Variants in LIPA observed in about 807,000 individuals in gnomAD.
The protein encoded by LIPA is lysosomal acid lipase/cholesteryl ester hydrolase.
LIPA carries 26 observed loss-of-function variants against 40.6 expected under a neutral mutation model. The ratio of observed to expected loss-of-function variants is 0.64; its 90% confidence interval spans 0.47 to 0.89. The LOEUF (loss-of-function observed/expected upper bound fraction) is 0.89. Ranked by LOEUF, LIPA falls within the 40% of genes least tolerant of loss-of-function variation. The probability of loss-of-function intolerance (pLI) is 0.00; values close to 1 mark genes in which losing one functional copy is unlikely to be tolerated. For missense variants in LIPA, 455 were observed against 479.6 expected (o/e 0.95, Z 0.48); for synonymous variants, 188 against 168.4 (o/e 1.12, Z -0.90).
intron 1 of LIPA, among the ~76,000 whole-genome samples, chr10:89,331,586 G>A (rs910742486): frequency 5.9e-5 from 9 of 152,132 alleles, no homozygotes; most frequent in Non-Finnish European, 1.0e-4. Context: ...ATGGCTGGCC[G>A]CAGTGGCTCA....
chr10:89,350,059 C>T (rs551167415), intron 2 of LIPA, among the ~76,000 whole-genome samples: 66 of 152,244 alleles, frequency 4.3e-4, no homozygotes, highest in Non-Finnish European at 8.2e-4. Context: ...TGTCTTTGCA[C>T]AATTTGACAC....
At chr10:89,236,536 C>T (rs1842906798) in intron 3 of LIPA, among the ~76,000 whole-genome samples, 1 of 151,988 alleles carries the variant, frequency 6.6e-6, no homozygotes, top group Non-Finnish European at 1.5e-5. Context: ...GGGAGTGCTC[C>T]CAAAAAGCAG....
chr10:89,314,172 G>A (rs187629797), intron 1 of LIPA, among the ~76,000 whole-genome samples: 7 of 152,090 alleles, frequency 4.6e-5, no homozygotes, highest in East Asian at 1.9e-4. Context: ...TTTCACATTC[G>A]GTAGATATGT....
intron 2 of LIPA, among the ~76,000 whole-genome samples, chr10:89,376,044 T>C (rs1224437096): frequency 6.6e-6 from 1 of 151,722 alleles, no homozygotes; most frequent in Non-Finnish European, 1.5e-5. Flanking sequence ...AAAAAATAGC[T>C]GGGTATGGTG....
At chr10:89,286,421 C>T (rs1843341539) in intron 1 of LIPA, among the ~76,000 whole-genome samples, 1 of 152,180 alleles carries the variant, frequency 6.6e-6, no homozygotes, top group Admixed American at 6.5e-5. Context: ...ACCTCCCCTC[C>T]TCACACCCAG....
chr10:89,319,291 T>C (rs1478549576), intron 1 of LIPA, among the ~76,000 whole-genome samples: 1 of 151,934 alleles, frequency 6.6e-6, no homozygotes, highest in Non-Finnish European at 1.5e-5. Context: ...TTTGAAAGGA[T>C]CAACATTATT....
chr10:89,401,647 G>C (rs900075441), intron 2 of LIPA, among the ~76,000 whole-genome samples: 1 of 152,110 alleles, frequency 6.6e-6, no homozygotes, highest in Non-Finnish European at 1.5e-5. Context: ...TTGTACCAAT[G>C]TCAATTTTCT....
At chr10:89,283,599 C>G (rs1352438938) in intron 1 of LIPA, 1 of 152,208 alleles carries the variant, frequency 6.6e-6, no homozygotes. Context: ...TCCTTACACA[C>G]TATTCCCCCT....
chr10:89,227,063 T>A, intron 4 of LIPA, 59 bp from the exon 5 acceptor site: 1 of 1,028,870 alleles, frequency 9.7e-7, no homozygotes, highest in Non-Finnish European at 1.5e-6. Context: ...AGCACACACA[T>A]ACTGAGTATG....
intron 7 of LIPA, among the ~76,000 whole-genome samples, chr10:89,223,148 A>G (rs190549825): frequency 2.1e-4 from 32 of 152,286 alleles, no homozygotes; most frequent in African/African-American, 7.5e-4. Context: ...TCCAAATTTA[A>G]ATACTTATAG....
intron 2 of LIPA, chr10:89,362,910 C>G (rs1844031968): frequency 1.1e-5 from 3 of 273,290 alleles, no homozygotes; most frequent in Non-Finnish European, 2.1e-5. Context: ...GACATTTTCT[C>G]TGCACCCCCT....
intron 2 of LIPA, among the ~76,000 whole-genome samples, chr10:89,400,321 T>A (rs941348642): frequency 1.3e-5 from 2 of 152,224 alleles, no homozygotes; most frequent in Admixed American, 6.5e-5. Flanking sequence ...AAAATGTCAT[T>A]GGGATTTTTA....
At chr10:89,238,413 C>T (rs544710595) in intron 3 of LIPA, among the ~76,000 whole-genome samples, 30 of 152,278 alleles carry the variant, frequency 2.0e-4, no homozygotes, top group African/African-American at 5.1e-4. Flanking sequence ...ACAACACTGA[C>T]GCTTCTATGA....
chr10:89,304,686 C>T (rs1421985728), intron 1 of LIPA, among the ~76,000 whole-genome samples: 1 of 152,154 alleles, frequency 6.6e-6, no homozygotes, highest in Non-Finnish European at 1.5e-5. Context: ...GCATAGAATA[C>T]TATTTATCTC....
At chr10:89,342,899 T>C (rs1340662115), upstream of LIPA, among the ~76,000 whole-genome samples, 2 of 152,228 alleles carry the variant, frequency 1.3e-5, no homozygotes, top group Non-Finnish European at 2.9e-5. Context: ...TGATGTTCTT[T>C]TGTTTTCCTT....
intron 2 of LIPA, among the ~76,000 whole-genome samples, chr10:89,379,838 T>A (rs1161471792): frequency 2.6e-5 from 4 of 151,978 alleles, no homozygotes; most frequent in Admixed American, 2.6e-4. Context: ...ATCAAGACCA[T>A]CCTGACTAAC....
intron 1 of LIPA, chr10:89,292,289 C>T (rs1843379070): frequency 6.6e-6 from 1 of 152,176 alleles, no homozygotes; most frequent in South Asian, 2.1e-4. Flanking sequence ...CTTTTGGCAG[C>T]ACAAAGATCC....
chr10:89,264,604 G>C (rs564486690), intron 1 of LIPA, among the ~76,000 whole-genome samples: 8 of 152,338 alleles, frequency 5.3e-5, no homozygotes, highest in African/African-American at 1.9e-4. Flanking sequence ...TCAGCAGAGA[G>C]GACACCCAGA....
intron 1 of LIPA, among the ~76,000 whole-genome samples, chr10:89,291,343 T>C (rs554425594): frequency 1.4e-4 from 22 of 152,286 alleles, no homozygotes; most frequent in Non-Finnish European, 2.2e-4. Context: ...GTAGGAGACA[T>C]AGCAACCCCC....
Sources: allele counts gnomAD v4.1 joint callset (sites outside exome capture counted in the v4.1 genomes callset), GRCh38; gene constraint gnomAD v4.1.1; transcripts MANE v1.5; gene names NCBI Gene and HGNC (gene_info 2026-07-23, HGNC 2026-07-21).